The following LUZP2 variants were observed in gnomAD, a reference collection of about 807,000 sequenced individuals.
The protein encoded by LUZP2 is leucine zipper protein 2.
Under a neutral mutation model 51.6 loss-of-function variants are expected in LUZP2, and 52 were observed. That is an observed-to-expected ratio of 1.01 (90% confidence interval 0.81 to 1.27). LUZP2 has a LOEUF of 1.27. Ranked by LOEUF, LUZP2 falls within the 50% of genes most tolerant of loss-of-function variation. The pLI is 0.00. For missense variants in LUZP2, 436 were observed against 395.4 expected, an observed-to-expected ratio of 1.10 and a Z score of -0.87; for synonymous variants, 154 against 137.3, an observed-to-expected ratio of 1.12 and a Z score of -0.85.
intron 9 of LUZP2, among the ~76,000 whole-genome samples, chr11:24,998,944 G>A (rs917826852): frequency 2.0e-5 from 3 of 151,884 alleles, no homozygotes; most frequent in Admixed American, 6.6e-5. Flanking sequence ...AACTGTTTTT[G>A]TGTGAAATTT....
At chr11:25,055,972 A>G (rs1858674934) in intron 10 of LUZP2, among the ~76,000 whole-genome samples, 1 of 152,196 alleles carries the variant, frequency 6.6e-6, no homozygotes, top group South Asian at 2.1e-4. Context: ...CTCAATAATT[A>G]CTACTTTCCA....
intron 7 of LUZP2, among the ~76,000 whole-genome samples, chr11:24,959,630 A>G (rs1855331508): frequency 6.6e-6 from 1 of 152,188 alleles, no homozygotes; most frequent in Admixed American, 6.5e-5. Flanking sequence ...GAAGTTGCTT[A>G]TCAACTTAAG....
intron 1 of LUZP2, among the ~76,000 whole-genome samples, chr11:24,511,411 AT>A (rs1479532655): frequency 2.7e-5 from 4 of 149,790 alleles, no homozygotes; most frequent in Admixed American, 1.3e-4. Flanking sequence ...TAATTAAAAA[AT>A]AAAAAAAAAT....
chr11:24,960,537 G>A (rs1855361040), intron 7 of LUZP2, among the ~76,000 whole-genome samples: 1 of 152,076 alleles, frequency 6.6e-6, no homozygotes, highest in Non-Finnish European at 1.5e-5. Flanking sequence ...TTTGCGTAGA[G>A]GTGTTTGTAG....
At chr11:25,030,893 A>ATAATATATATTGTAT in intron 9 of LUZP2, among the ~76,000 whole-genome samples, 2 of 40,050 alleles carry the variant, frequency 5.0e-5, no homozygotes, top group East Asian at 7.8e-4. Context: ...TATATATATT[A>ATAATATATATTGTAT]TATATATATA....
Position 24,497,127 on chromosome 11 carries a change from C to T in LUZP2, c.-117C>T. 2 of 929,638 alleles carry T rather than the reference C, an allele frequency of 2.2e-6. No homozygotes were observed. The highest frequency in any genetic ancestry group is 3.0e-6 in the Non-Finnish European group (2 of 661,522). The allele number at this position is 929,638 out of a possible 1,614,324, so 57.6% of individuals were successfully genotyped here. On this transcript the variant is annotated 5_prime_UTR_variant, in exon 1 of 12. Transcript: ENST00000336930. ...GTTCGTGTGCCCGTCTCCGCCTTTCCGCCTCGGAAGAGCGCTCATCACTGG... is the reference window on the plus strand; with the variant it reads ...GTTCGTGTGCCCGTCTCCGCCTTTCTGCCTCGGAAGAGCGCTCATCACTGG...
chr11:24,820,345 A>G (rs1362761434), intron 5 of LUZP2, among the ~76,000 whole-genome samples: 1 of 152,152 alleles, frequency 6.6e-6, no homozygotes, highest in East Asian at 1.9e-4. Context: ...CTTTTAAGGA[A>G]GCAATGAGGA....
At chr11:24,761,508 T>C (rs899368308) in intron 4 of LUZP2, among the ~76,000 whole-genome samples, 2 of 152,034 alleles carry the variant, frequency 1.3e-5, no homozygotes, top group Non-Finnish European at 2.9e-5. Flanking sequence ...TGGGAAATGA[T>C]GATAATGGGA....
intron 9 of LUZP2, among the ~76,000 whole-genome samples, chr11:24,989,248 C>T (rs1472921389): frequency 6.6e-6 from 1 of 151,956 alleles, no homozygotes; most frequent in Non-Finnish European, 1.5e-5. Flanking sequence ...GGGGAAGTCA[C>T]AGTTTAGCAA....
At chr11:24,912,890 A>G (rs758782336) in intron 6 of LUZP2, among the ~76,000 whole-genome samples, 8 of 152,174 alleles carry the variant, frequency 5.3e-5, no homozygotes, top group Admixed American at 1.3e-4. Flanking sequence ...ATATACATGC[A>G]TTGTAAGCTT....
intron 1 of LUZP2, among the ~76,000 whole-genome samples, chr11:24,537,481 A>C (rs975979): frequency 0.42 from 63,951 of 151,660 alleles, 14,041 homozygotes; most frequent in African/African-American, 0.52. Context: ...TCTAAACAAT[A>C]TTGAAACTAT....
At chr11:24,601,429 C>A (rs1178205204) in intron 1 of LUZP2, among the ~76,000 whole-genome samples, 1 of 151,862 alleles carries the variant, frequency 6.6e-6, no homozygotes, top group African/African-American at 2.4e-5. Flanking sequence ...AAAACTAATG[C>A]ATATAACTAT....
intron 5 of LUZP2, among the ~76,000 whole-genome samples, chr11:24,811,967 A>AAAAC (rs1047465695): frequency 6.6e-6 from 1 of 152,138 alleles, no homozygotes; most frequent in African/African-American, 2.4e-5. Context: ...GAAACTATGT[A>AAAAC]AAACAAACAA....
chr11:24,922,913 A>G (rs1391084057), intron 7 of LUZP2, among the ~76,000 whole-genome samples: 1 of 127,556 alleles, frequency 7.8e-6, no homozygotes, highest in African/African-American at 3.0e-5. Flanking sequence ...CAGTGGCACG[A>G]TCTCGGCTTA....
intron 1 of LUZP2, among the ~76,000 whole-genome samples, chr11:24,623,483 T>C (rs1854573441): frequency 6.6e-6 from 1 of 152,172 alleles, no homozygotes; most frequent in Non-Finnish European, 1.5e-5. Flanking sequence ...AAGGATCTAC[T>C]TTGTGTAGAT....
chr11:25,008,273 T>G (rs746984245), intron 9 of LUZP2, among the ~76,000 whole-genome samples: 1 of 152,068 alleles, frequency 6.6e-6, no homozygotes, highest in Admixed American at 6.5e-5. Flanking sequence ...TGGTCAATGG[T>G]GGGTAGATGA....
intron 5 of LUZP2, among the ~76,000 whole-genome samples, chr11:24,799,941 G>A (rs1849650659): frequency 6.6e-6 from 1 of 152,148 alleles, no homozygotes; most frequent in African/African-American, 2.4e-5. Context: ...TGCAATAAAT[G>A]ATAATTGTAA....
At chr11:24,878,100 GTTT>G in intron 5 of LUZP2, among the ~76,000 whole-genome samples, 1 of 96,642 alleles carries the variant, frequency 1.0e-5, no homozygotes, top group South Asian at 3.4e-4. Flanking sequence ...AATATTCTGT[GTTT>G]TTTTTTTTTT....
chr11:25,075,850 C>A (rs934511217), intron 10 of LUZP2, among the ~76,000 whole-genome samples: 2 of 152,044 alleles, frequency 1.3e-5, no homozygotes, highest in African/African-American at 4.8e-5. Context: ...TAGATTTAAT[C>A]TACTATAAAC....
Sources: allele counts gnomAD v4.1 joint callset (sites outside exome capture counted in the v4.1 genomes callset), GRCh38; gene constraint gnomAD v4.1.1; transcripts MANE v1.5; gene names NCBI Gene and HGNC (gene_info 2026-07-23, HGNC 2026-07-21).